GNA14: variants seen among roughly 807,000 people sequenced by gnomAD.
GNA14 encodes guanine nucleotide-binding protein subunit alpha-14.
Under a neutral mutation model 42.0 loss-of-function variants are expected in GNA14, and 50 were observed. That is an observed-to-expected ratio of 1.19 (90% CI 0.95 to 1.51). GNA14 has a LOEUF of 1.51. GNA14 is among the 40% of genes most tolerant of loss of function. GNA14 has a pLI of 0.00. For synonymous variants in GNA14, 173 were observed against 163.1 expected, an observed-to-expected ratio of 1.06 and a Z score of -0.46; for missense variants, 473 against 446.2, an observed-to-expected ratio of 1.06 and a Z score of -0.54.
intron 2 of GNA14, among the ~76,000 whole-genome samples, chr9:77,446,597 T>C (rs1317055115): frequency 6.6e-6 from 1 of 152,114 alleles, no homozygotes; most frequent in African/African-American, 2.4e-5. Flanking sequence ...CCATCTTTCT[T>C]TTCCCATTTC....
intron 1 of GNA14, among the ~76,000 whole-genome samples, chr9:77,599,994 T>C (rs114324309): frequency 0.013 from 1,979 of 152,370 alleles, 47 homozygotes; most frequent in African/African-American, 0.045. Context: ...GTGATCTGCA[T>C]GTATAATTAG....
rs1448615314 is a variant in GNA14, at chr9:77,570,599, T to A, written c.125-41346A>T. Among the ~76,000 whole-genome samples, 4 of 152,246 alleles carry A rather than the reference T, an allele frequency of 2.6e-5. 1 individual carries two copies. The South Asian group carries it at 8.3e-4, about 31-fold the overall frequency. Reference sequence around the variant, plus strand: ...CATTTTTTATTGCCAAATAATATTCTATTATGGCTATTCCACACATTTTGT... The same window carrying A: ...CATTTTTTATTGCCAAATAATATTCAATTATGGCTATTCCACACATTTTGT... On this transcript the variant is annotated intron_variant, in intron 1 of 6. Coordinates refer to ENST00000341700, the MANE Select transcript of GNA14 (RefSeq NM_004297.4).
chr9:77,648,102 C>T lies in GNA14; in HGVS notation c.-309G>A. 1 of 412,312 alleles carries T rather than the reference C, an allele frequency of 2.4e-6. No individual in the cohort carries two copies. The highest frequency in any genetic ancestry group is 2.8e-5 in the South Asian group (1 of 35,314). The allele number at this position is 412,312 out of a possible 1,614,324, so 25.5% of individuals were successfully genotyped here. ...CGAGAAGTTGGGAGCGTTGCTGGCC[C>T]CGGGAAGATGCGCGCGCCCCTTGGC... On this transcript the variant is annotated 5_prime_UTR_variant, in exon 1 of 7. Coordinates refer to ENST00000341700, the MANE Select transcript of GNA14 (RefSeq NM_004297.4).
chr9:77,454,734 G>T (rs539862813), intron 2 of GNA14, among the ~76,000 whole-genome samples: 2 of 151,796 alleles, frequency 1.3e-5, no homozygotes, highest in South Asian at 4.2e-4. Flanking sequence ...TATTTCTGTT[G>T]CTTACAACCC....
At chr9:77,607,899 C>T (rs1474403233) in intron 1 of GNA14, among the ~76,000 whole-genome samples, 1 of 152,130 alleles carries the variant, frequency 6.6e-6, no homozygotes, top group Non-Finnish European at 1.5e-5. Context: ...CCTCACTTAA[C>T]CCTAATTACT....
At chr9:77,479,890 A>G (rs1458630804) in intron 2 of GNA14, among the ~76,000 whole-genome samples, 1 of 152,088 alleles carries the variant, frequency 6.6e-6, no homozygotes, top group African/African-American at 2.4e-5. Flanking sequence ...TGATTTTTGT[A>G]CATTGATTTT....
At chr9:77,628,243 G>A (rs2117996362) in intron 1 of GNA14, among the ~76,000 whole-genome samples, 1 of 152,246 alleles carries the variant, frequency 6.6e-6, no homozygotes, top group African/African-American at 2.4e-5. Flanking sequence ...AATAAGAGAG[G>A]ACACAAACAA....
In GNA14 at chr9:77,623,703, G is replaced by A. The variant is rs1823970214; in HGVS notation, c.124+23967C>T. On this transcript the variant is annotated intron_variant, in intron 1 of 6. Coordinates refer to ENST00000341700, the MANE Select transcript of GNA14 (RefSeq NM_004297.4). ...CTACCCTAGCCAAGGGAAGCCCTGA[G>A]GGACTGTGCCATGAGGAACGGTGCA... Among the ~76,000 whole-genome samples the A allele has an allele frequency of 5.3e-5, 8 of 152,292 alleles. No individual in the cohort carries two copies. The South Asian group carries it at 1.7e-3, about 32-fold the overall frequency.
At chr9:77,535,892 G>T (rs67816702) in intron 1 of GNA14, among the ~76,000 whole-genome samples, 14 of 87,648 alleles carry the variant, frequency 1.6e-4, no homozygotes, top group Admixed American at 5.2e-4. Flanking sequence ...TAGTTGTTTT[G>T]TTTTTTTTTT....
chr9:77,461,966 G>T (rs1375248096), intron 2 of GNA14, among the ~76,000 whole-genome samples: 1 of 151,650 alleles, frequency 6.6e-6, no homozygotes, highest in Non-Finnish European at 1.5e-5. Flanking sequence ...ACGCTTTTTT[G>T]TTGTTGTTGA....
At chr9:77,525,847 G>T (rs1219453104) in intron 2 of GNA14, among the ~76,000 whole-genome samples, 4 of 149,308 alleles carry the variant, frequency 2.7e-5, no homozygotes, top group African/African-American at 7.4e-5. Context: ...CGTGCCCCAG[G>T]ATGGTTTGTA....
chr9:77,452,566 GTGTGTA>G (rs1358244974), intron 2 of GNA14, among the ~76,000 whole-genome samples: 1,952 of 9,618 alleles, frequency 0.2, 77 homozygotes, highest in African/African-American at 0.36. Context: ...GTGTGTGTGT[GTGTGTA>G]TGTGCATGTG....
chr9:77,464,737 G>T (rs1351531766), intron 2 of GNA14, among the ~76,000 whole-genome samples: 1 of 152,136 alleles, frequency 6.6e-6, no homozygotes. Flanking sequence ...CCTGCTAAAA[G>T]ATATGTTGAA....
intron 1 of GNA14, among the ~76,000 whole-genome samples, chr9:77,592,322 G>A (rs1035275731): frequency 3.9e-5 from 6 of 152,194 alleles, no homozygotes; most frequent in African/African-American, 1.4e-4. Flanking sequence ...ACACGCGCAT[G>A]TGTTAACCCT....
At chr9:77,503,969 C>T (rs959346274) in intron 2 of GNA14, among the ~76,000 whole-genome samples, 11 of 152,076 alleles carry the variant, frequency 7.2e-5, no homozygotes, top group East Asian at 1.9e-4. Flanking sequence ...GTGTGAGCCA[C>T]GGTGCCTGAC....
chr9:77,527,886 T>G (rs1837465798), intron 2 of GNA14, among the ~76,000 whole-genome samples: 1 of 152,158 alleles, frequency 6.6e-6, no homozygotes, highest in South Asian at 2.1e-4. Context: ...CCCCCTGCCT[T>G]GGCCTCCCAA....
intron 2 of GNA14, among the ~76,000 whole-genome samples, chr9:77,456,136 C>T (rs953351739): frequency 1.3e-5 from 2 of 152,126 alleles, no homozygotes; most frequent in African/African-American, 2.4e-5. Context: ...AAATAAGATA[C>T]TTTAATACCC....
chr9:77,558,287 T>C (rs1587829489), intron 1 of GNA14, among the ~76,000 whole-genome samples: 1 of 98,964 alleles, frequency 1.0e-5, no homozygotes, highest in African/African-American at 4.7e-5. Context: ...ATAGATCAGA[T>C]AGATAGATAG....
intron 2 of GNA14, among the ~76,000 whole-genome samples, chr9:77,441,493 G>A (rs1835734322): frequency 6.6e-6 from 1 of 152,166 alleles, no homozygotes; most frequent in Non-Finnish European, 1.5e-5. Flanking sequence ...TTATAGCAAT[G>A]TGAGAACGGA....
Sources: allele counts gnomAD v4.1 joint callset (sites outside exome capture counted in the v4.1 genomes callset), GRCh38; gene constraint gnomAD v4.1.1; transcripts MANE v1.5; gene names NCBI Gene and HGNC (gene_info 2026-07-23, HGNC 2026-07-21).